The following FHIT variants were observed in gnomAD, a reference collection of about 807,000 sequenced individuals.
FHIT encodes the protein fragile histidine triad diadenosine triphosphatase.
Under a neutral mutation model 17.9 loss-of-function variants are expected in FHIT, and 19 were observed. The ratio of observed to expected loss-of-function variants is 1.06; its 90% CI spans 0.74 to 1.56. The LOEUF (loss-of-function observed/expected upper bound fraction) is 1.56, where lower values mean the gene tolerates loss of function less well. FHIT is among the 40% of genes most tolerant of loss of function. The pLI is 0.00. For missense variants in FHIT, 248 were observed against 189.2 expected, an observed-to-expected ratio of 1.31 and a Z score of -1.82; for synonymous variants, 81 against 69.7, an observed-to-expected ratio of 1.16 and a Z score of -0.81.
At chr3:61,144,593 T>C (rs1019327735) in intron 2 of FHIT, among the ~76,000 whole-genome samples, 6 of 152,236 alleles carry the variant, frequency 3.9e-5, no homozygotes, top group Admixed American at 1.3e-4. Flanking sequence ...ATGGTAACTC[T>C]ATATTTAACA....
chr3:61,071,511 A>C (rs2034805828), intron 2 of FHIT, among the ~76,000 whole-genome samples: 1 of 152,188 alleles, frequency 6.6e-6, no homozygotes, highest in South Asian at 2.1e-4. Context: ...ACAAATAAGA[A>C]ACCTTTCTAA....
chr3:60,190,048 T>C (rs1702333782), intron 5 of FHIT, among the ~76,000 whole-genome samples: 1 of 152,216 alleles, frequency 6.6e-6, no homozygotes, highest in African/African-American at 2.4e-5. Flanking sequence ...ATGTTTCTTT[T>C]AAGTCAGCTA....
chr3:59,774,012 A>G (rs139927402), intron 8 of FHIT, among the ~76,000 whole-genome samples: 180 of 152,328 alleles, frequency 1.2e-3, no homozygotes, highest in African/African-American at 3.9e-3. Flanking sequence ...AAATATTACA[A>G]TTAATTTTAT....
intron 5 of FHIT, among the ~76,000 whole-genome samples, chr3:60,288,745 G>A (rs138428780): frequency 7.3e-4 from 111 of 152,118 alleles, no homozygotes; most frequent in African/African-American, 2.6e-3. Flanking sequence ...CTAGAACATA[G>A]CCATGAAAAT....
In FHIT at chr3:59,790,506, T is replaced by C. The variant is rs904673941; in HGVS notation, c.349-38185A>G. Among the ~76,000 whole-genome samples the C allele has an allele frequency of 3.0e-3, 455 of 150,652 alleles. 2 individuals are homozygous for C. The highest frequency in any genetic ancestry group is 0.01 in the African/African-American group (428 of 40,918). The stretch of plus-strand genomic sequence containing the variant: ...GTTCATTGCTTCTCTCTCTCTCTCT[T>C]TCTCTCTCTCTCTCTCTCTCTCTGT... On this transcript the variant is annotated intron_variant, in intron 8 of 9. Transcript: ENST00000492590.
At chr3:60,172,423 G>A (rs373290805) in intron 5 of FHIT, among the ~76,000 whole-genome samples, 1 of 151,214 alleles carries the variant, frequency 6.6e-6, no homozygotes, top group South Asian at 2.1e-4. Flanking sequence ...GCACCACCAC[G>A]CCTGGCTAAT....
At chr3:60,694,413 A>G (rs1553700133) in intron 4 of FHIT, among the ~76,000 whole-genome samples, 1 of 152,232 alleles carries the variant, frequency 6.6e-6, no homozygotes, top group African/African-American at 2.4e-5. Flanking sequence ...GTCAGGAAAC[A>G]ATAGGTGCTG....
intron 5 of FHIT, among the ~76,000 whole-genome samples, chr3:60,438,316 T>G (rs539296337): frequency 5.9e-5 from 9 of 152,144 alleles, no homozygotes; most frequent in Middle Eastern, 3.4e-3. Context: ...TGGACAAGCA[T>G]GTACAGCTAC....
chr3:60,261,305 T>A (rs1706285542), intron 5 of FHIT, among the ~76,000 whole-genome samples: 1 of 151,764 alleles, frequency 6.6e-6, no homozygotes, highest in Non-Finnish European at 1.5e-5. Flanking sequence ...CCACGACAGG[T>A]GAGAAAAGAA....
At chr3:60,864,973 AG>A (rs1368627241) in intron 3 of FHIT, among the ~76,000 whole-genome samples, 8 of 152,154 alleles carry the variant, frequency 5.3e-5, no homozygotes, top group African/African-American at 1.9e-4. Flanking sequence ...ACAACCACAG[AG>A]ACACTGCTCA....
chr3:60,940,202 TA>T (rs1336787675), intron 3 of FHIT, among the ~76,000 whole-genome samples: 3 of 152,094 alleles, frequency 2.0e-5, no homozygotes, highest in Non-Finnish European at 4.4e-5. Context: ...CATTGTAAAA[TA>T]AATATTGGTT....
chr3:60,147,117 T>C (rs1700275136), intron 5 of FHIT, among the ~76,000 whole-genome samples: 1 of 152,164 alleles, frequency 6.6e-6, no homozygotes, highest in African/African-American at 2.4e-5. Flanking sequence ...GAAAGCTGTT[T>C]AGAAAAAGCT....
intron 5 of FHIT, among the ~76,000 whole-genome samples, chr3:60,251,320 T>G (rs913606340): frequency 6.6e-6 from 1 of 152,166 alleles, no homozygotes; most frequent in Non-Finnish European, 1.5e-5. Flanking sequence ...GAGGGAGTAG[T>G]ACATAGGGAG....
At chr3:60,378,278 C>A (rs1185750918) in intron 5 of FHIT, among the ~76,000 whole-genome samples, 2 of 152,186 alleles carry the variant, frequency 1.3e-5, no homozygotes, top group African/African-American at 4.8e-5. Flanking sequence ...CCGCCTCAGC[C>A]TCCCGAGACT....
chr3:60,678,043 T>A (rs1437835561), intron 4 of FHIT, among the ~76,000 whole-genome samples: 2 of 152,034 alleles, frequency 1.3e-5, no homozygotes, highest in Non-Finnish European at 2.9e-5. Context: ...TTTATTTGGA[T>A]CTTTTCTTGG....
Position 59,833,796 on chromosome 3 carries a change from T to C in FHIT, c.349-81475A>G, listed in dbSNP as rs570576540. Among the ~76,000 whole-genome samples the C allele has an allele frequency of 1.2e-4, 18 of 152,264 alleles. No individual in the cohort carries two copies. In the South Asian group the frequency reaches 2.7e-3, roughly 23 times the overall value. On this transcript the variant is annotated intron_variant, in intron 8 of 9. Coordinates refer to ENST00000492590, the MANE Select transcript of FHIT (RefSeq NM_002012.4). ...GAGGGAGAGACCTGGTGGGAGGTGATTGGATCAGGGGGACAGTTTCCTCCA... is the reference window on the plus strand; with the variant it reads ...GAGGGAGAGACCTGGTGGGAGGTGACTGGATCAGGGGGACAGTTTCCTCCA...
At chr3:60,986,401 T>G (rs1317065389) in intron 3 of FHIT, among the ~76,000 whole-genome samples, 1 of 152,200 alleles carries the variant, frequency 6.6e-6, no homozygotes, top group East Asian at 1.9e-4. Flanking sequence ...ACATTCTCCT[T>G]TCTGAATACT....
intron 5 of FHIT, among the ~76,000 whole-genome samples, chr3:60,150,249 G>T (rs1178801763): frequency 6.6e-6 from 1 of 152,152 alleles, no homozygotes; most frequent in African/African-American, 2.4e-5. Flanking sequence ...CACCCACCTT[G>T]GCCTCCCAAA....
intron 5 of FHIT, among the ~76,000 whole-genome samples, chr3:60,146,605 G>C (rs1391474865): frequency 6.6e-6 from 1 of 152,110 alleles, no homozygotes; most frequent in Non-Finnish European, 1.5e-5. Flanking sequence ...ACCCAGTTTG[G>C]GAGCTAGAGA....
Sources: allele counts gnomAD v4.1 joint callset (sites outside exome capture counted in the v4.1 genomes callset), GRCh38; gene constraint gnomAD v4.1.1; transcripts MANE v1.5; gene names NCBI Gene and HGNC (gene_info 2026-07-23, HGNC 2026-07-21).